The following TTC1 variants were observed in gnomAD, a reference collection of about 807,000 sequenced individuals.
TTC1 encodes tetratricopeptide repeat domain 1.
Under a neutral mutation model 37.6 loss-of-function variants are expected in TTC1, and 31 were observed. The ratio of observed to expected loss-of-function variants is 0.82; its 90% CI spans 0.62 to 1.11. TTC1 has a LOEUF of 1.11. TTC1 is among the 50% of genes most tolerant of loss of function. The pLI is 0.00. For missense variants in TTC1, 351 were observed against 339.0 expected (o/e 1.04, Z -0.28); for synonymous variants, 127 against 122.4 (o/e 1.04, Z -0.25).
intron 7 of TTC1, among the ~76,000 whole-genome samples, chr5:160,064,730 G>A (rs151109503): frequency 1.3e-5 from 2 of 152,326 alleles, no homozygotes; most frequent in East Asian, 3.9e-4. Context: ...AGGGTGGATG[G>A]CATTAAAGTG....
intron 2 of TTC1, among the ~76,000 whole-genome samples, chr5:160,025,472 T>C (rs1328968519): frequency 6.6e-6 from 1 of 152,248 alleles, no homozygotes; most frequent in Non-Finnish European, 1.5e-5. Context: ...AGATTTATTT[T>C]TAACATAGGT....
At position 160,065,452 on chromosome 5, in the gene TTC1, C is replaced by T. The variant is rs569362453; in HGVS notation, c.*387C>T. ...CCAGACATGATTGATGACGGGTTCC[C>T]GCCTGCTGTCCCCTCCCTGATCACA... On this transcript the variant is annotated 3_prime_UTR_variant, in exon 8 of 8. Coordinates refer to ENST00000231238, the MANE Select transcript of TTC1 (RefSeq NM_003314.3). 4.1e-5 allele frequency: 19 copies of T among 460,252 alleles called. No individual in the cohort carries two copies. The highest frequency in any genetic ancestry group is 2.6e-4 in the Admixed American group (11 of 42,648). 28.5% of individuals were successfully genotyped at this position (460,252 alleles called of 1,614,324 possible).
chr5:160,025,917 A>C (rs1176206342), intron 2 of TTC1, among the ~76,000 whole-genome samples: 1 of 152,204 alleles, frequency 6.6e-6, no homozygotes, highest in Non-Finnish European at 1.5e-5. Flanking sequence ...GAAATGTTAG[A>C]TCTGTCCTAG....
intron 4 of TTC1, among the ~76,000 whole-genome samples, chr5:160,039,582 A>C (rs1464393409): frequency 3.3e-5 from 5 of 152,150 alleles, no homozygotes; most frequent in African/African-American, 1.2e-4. Flanking sequence ...TTCTGCAATA[A>C]AATTCCATAA....
Position 160,016,531 on chromosome 5 carries a change from T to TA in TTC1, c.330+5674dup, listed in dbSNP as rs1218303356. ...GGCTATGTGAAAATATGTTTATACA[T>TA]ACAAATTTGAAGGATATACACCAAA... is the stretch of plus-strand genomic sequence containing the variant. On this transcript the variant is annotated intron_variant, in intron 2 of 7. Coordinates refer to ENST00000231238, the MANE Select transcript of TTC1 (RefSeq NM_003314.3). Among the ~76,000 whole-genome samples the TA allele has an allele frequency of 1.1e-4, 17 of 152,306 alleles. No homozygotes were observed. In the East Asian group the frequency reaches 3.3e-3, roughly 29 times the overall value.
At chr5:160,064,811 T>C in intron 7 of TTC1, 121 bp from the exon 8 acceptor site, 2 of 1,110,462 alleles carry the variant, frequency 1.8e-6, no homozygotes, top group Non-Finnish European at 2.5e-6. Flanking sequence ...AAAGTAGGCA[T>C]TTCTTTAACT....
rs552903626 is a variant in TTC1 at position 160,011,918 on chromosome 5, C to T, written c.330+1060C>T. Among the ~76,000 whole-genome samples the T allele has an allele frequency of 1.5e-3, 235 of 151,806 alleles. 2 individuals carry two copies. The highest frequency in any genetic ancestry group is 5.4e-3 in the African/African-American group (222 of 41,412). Reference sequence around the variant, plus strand: ...CTAACAGTGGGGGTGGGAAGGTAGCCTGGGGTGGGTAGGAGCATCTTCTCT... The same window carrying T: ...CTAACAGTGGGGGTGGGAAGGTAGCTTGGGGTGGGTAGGAGCATCTTCTCT... On this transcript the variant is annotated intron_variant, in intron 2 of 7. Coordinates refer to ENST00000231238, the MANE Select transcript of TTC1 (RefSeq NM_003314.3).
rs113727015 is a variant in TTC1 at position 160,023,255 on chromosome 5, CA to C, written c.331-11869del. ...TGGGCAACAGAACAAAACACTGTCTCAAAAAAAAAAAAAAAATTAGGCAAAA... is the reference window on the plus strand; with the variant it reads ...TGGGCAACAGAACAAAACACTGTCTCAAAAAAAAAAAAAAATTAGGCAAAA... On this transcript the variant is annotated intron_variant, in intron 2 of 7. Coordinates refer to ENST00000231238, the MANE Select transcript of TTC1 (RefSeq NM_003314.3). Among the ~76,000 whole-genome samples, 596 of 109,968 alleles carry C rather than the reference CA, an allele frequency of 5.4e-3. 2 individuals are homozygous for C. The highest frequency in any genetic ancestry group is 0.014 in the African/African-American group (418 of 29,162). The allele number at this position is 109,968 out of a possible 152,430, so 72.1% of individuals were successfully genotyped here. A position where few individuals can be genotyped will look rare whatever the true frequency, so the allele number is the denominator to read the frequency against.
chr5:160,058,409 CTTT>C lies in TTC1; in HGVS notation c.746-6506_746-6504del, dbSNP rs1171929571. 5.1e-3 allele frequency among the ~76,000 whole-genome samples: 666 copies of C among 129,782 alleles called. 5 individuals are homozygous for C. Among genetic ancestry groups the C allele is most frequent in the African/African-American group, 0.018 (623 of 35,372 alleles). 85.1% of individuals were successfully genotyped at this position (129,782 alleles called of 152,430 possible). On this transcript the variant is annotated intron_variant, in intron 7 of 7. Transcript: ENST00000231238. ...AGCCATAGCCATATGAAGTGTATTT[CTTT>C]TTTTTTTTTTTTTTTTGAGACGGAG...
At chr5:160,041,800 C>T (rs765027802) in intron 4 of TTC1, among the ~76,000 whole-genome samples, 47 of 152,266 alleles carry the variant, frequency 3.1e-4, no homozygotes, top group Non-Finnish European at 5.9e-4. Flanking sequence ...TTGATTGAAA[C>T]GTCATTGTAC....
At chr5:160,018,456 G>A (rs922067117) in intron 2 of TTC1, among the ~76,000 whole-genome samples, 9 of 152,162 alleles carry the variant, frequency 5.9e-5, no homozygotes, top group Admixed American at 5.9e-4. Flanking sequence ...GTGACCGTCT[G>A]AGAGGGAAGC....
At chr5:160,043,442 C>T (rs1757137227) in intron 5 of TTC1, among the ~76,000 whole-genome samples, 1 of 152,050 alleles carries the variant, frequency 6.6e-6, no homozygotes, top group Non-Finnish European at 1.5e-5. Flanking sequence ...ACCAAAAATA[C>T]GAAAGTTAGG....
chr5:160,033,885 C>T (rs987856709), intron 2 of TTC1, among the ~76,000 whole-genome samples: 1 of 152,168 alleles, frequency 6.6e-6, no homozygotes, highest in Admixed American at 6.5e-5. Flanking sequence ...TGTATTTCCT[C>T]CCTTTGAAAT....
rs1479034128 is a variant in TTC1 at position 160,010,863 on chromosome 5, G to A, written c.330+5G>A. Reference sequence around the variant, plus strand: ...ATGTCGGATGAAGAGAAACAGGTAAGTATTTTATTTATTGTGCAAGATCTG... The same window carrying A: ...ATGTCGGATGAAGAGAAACAGGTAAATATTTTATTTATTGTGCAAGATCTG... On this transcript the variant is annotated splice_donor_5th_base_variant and intron_variant, in intron 2 of 7. Transcript: ENST00000231238. The A allele has an allele frequency of 6.2e-7, 1 of 1,608,384 alleles. No individual in the cohort carries two copies. Among genetic ancestry groups the A allele is most frequent in the South Asian group, 1.1e-5 (1 of 90,826 alleles).
chr5:160,042,293 A>G (rs1379188330), intron 4 of TTC1, among the ~76,000 whole-genome samples: 3 of 152,230 alleles, frequency 2.0e-5, no homozygotes, highest in African/African-American at 7.2e-5. Context: ...ATATTCTGCA[A>G]AATATTTAGT....
Position 160,010,615 on chromosome 5 carries a change from T to C in TTC1, c.87T>C (p.Ala29=). ...KVTDTQEAEC[A]GPPVPDPKNQ... is the part of the protein sequence containing the mutation. ...CAGATACTCAGGAAGCCGAGTGTGC[T>C]GGCCCTCCAGTTCCTGATCCCAAAA... Residue 29 remains alanine, a synonymous_variant, in exon 2 of 8, where the codon GCT becomes GCC. Coordinates refer to ENST00000231238, the MANE Select transcript of TTC1 (RefSeq NM_003314.3). The C allele has an allele frequency of 6.2e-7, 1 of 1,614,146 alleles. No homozygotes were observed. The highest frequency in any genetic ancestry group is 1.7e-4 in the Middle Eastern group (1 of 6,034).
At chr5:160,027,272 G>A (rs1333324240) in intron 2 of TTC1, among the ~76,000 whole-genome samples, 1 of 152,126 alleles carries the variant, frequency 6.6e-6, no homozygotes, top group African/African-American at 2.4e-5. Context: ...CAAGCGATCT[G>A]CCTACCTTGG....
At chr5:160,027,243 G>A (rs1336988130) in intron 2 of TTC1, among the ~76,000 whole-genome samples, 1 of 152,068 alleles carries the variant, frequency 6.6e-6, no homozygotes, top group East Asian at 1.9e-4. Flanking sequence ...TGCCTAAGCT[G>A]TTCTCAAACT....
chr5:160,065,018 G>A lies in TTC1; in HGVS notation c.832G>A (p.Gly278Ser), dbSNP rs368082206. 73 of 1,613,698 alleles carry A rather than the reference G, an allele frequency of 4.5e-5. No individual in the cohort carries two copies. Among genetic ancestry groups the A allele is most frequent in the Middle Eastern group, 3.3e-4 (2 of 6,080 alleles). Residue 278 changes from glycine (G) to serine (S), a missense_variant, in exon 8 of 8, where the codon GGC becomes AGC. Gly to Ser is a moderately conservative substitution (Grantham distance 56, BLOSUM62 0). Coordinates refer to ENST00000231238, the MANE Select transcript of TTC1 (RefSeq NM_003314.3). The part of the protein sequence containing the change: ...NFQIKQDSST[G>S]SYSINFVQNP... Reference sequence around the variant, plus strand: ...CCAGATCAAACAGGATTCCTCTACCGGCTCGTACTCCATCAATTTCGTTCA... The same window carrying A: ...CCAGATCAAACAGGATTCCTCTACCAGCTCGTACTCCATCAATTTCGTTCA...
Sources: gnomAD v4.1 joint callset for allele counts (sites outside exome capture counted in the v4.1 genomes callset) on GRCh38, gnomAD v4.1.1 for gene constraint, MANE v1.5 for transcripts, NCBI Gene and HGNC (gene_info 2026-07-23, HGNC 2026-07-21) for gene names.